AATK: variants seen among roughly 807,000 people sequenced by gnomAD.
AATK encodes serine/threonine-protein kinase LMTK1.
A neutral mutation model predicts 114.3 loss-of-function variants in AATK; 91 were observed. The ratio of observed to expected loss-of-function variants is 0.80; its 90% confidence interval spans 0.67 to 0.95. The LOEUF is 0.95. Ranked by LOEUF, AATK falls within the 40% of genes least tolerant of loss-of-function variation. AATK has a pLI of 0.00. For missense variants in AATK, 2,176 were observed against 1,965.2 expected, an observed-to-expected ratio of 1.11 and a Z score of -2.03; for synonymous variants, 1,075 against 916.5, an observed-to-expected ratio of 1.17 and a Z score of -3.12.
intron 1 of AATK, among the ~76,000 whole-genome samples, chr17:81,140,073 G>T (rs1598947646): frequency 6.6e-6 from 1 of 152,132 alleles, no homozygotes; most frequent in South Asian, 2.1e-4. Flanking sequence ...AATGCAGTGG[G>T]GTGATCACAG....
At chr17:81,150,661 TC>T (rs893762178) in intron 1 of AATK, among the ~76,000 whole-genome samples, 4 of 151,202 alleles carry the variant, frequency 2.6e-5, no homozygotes, top group African/African-American at 9.8e-5. Flanking sequence ...GACCTGAGGC[TC>T]CCCCTGGCAC....
At chr17:81,134,163 C>T (rs112898360) in intron 2 of AATK, among the ~76,000 whole-genome samples, 7,694 of 152,260 alleles carry the variant, frequency 0.051, 272 homozygotes, top group Non-Finnish European at 0.085. Context: ...GCCTCAAAGT[C>T]GAGGAAGCTG....
At chr17:81,127,078 G>A (rs1198740071) in intron 6 of AATK, among the ~76,000 whole-genome samples, 1 of 145,680 alleles carries the variant, frequency 6.9e-6, no homozygotes, top group African/African-American at 2.5e-5. Context: ...TCGGGGGAGG[G>A]GGAGACGGGT....
At position 81,127,539 on chromosome 17, in the gene AATK, C is replaced by G. The variant is rs375547358; in HGVS notation, c.621+44G>C. The G allele has an allele frequency of 2.3e-3, 3,550 of 1,548,776 alleles. 4 individuals are homozygous for G. The highest frequency in any genetic ancestry group is 2.8e-3 in the Non-Finnish European group (3,241 of 1,142,914). On this transcript the variant is annotated intron_variant, in intron 6 of 13. Coordinates refer to ENST00000326724, the MANE Select transcript of AATK (RefSeq NM_001080395.3). Reference sequence around the variant, plus strand: ...GACACTGGCAGGGCAAGGGAGGGCCCCGGCTCAGCAAAGACCCCAGCATCC... The same window carrying G: ...GACACTGGCAGGGCAAGGGAGGGCCGCGGCTCAGCAAAGACCCCAGCATCC...
intron 1 of AATK, among the ~76,000 whole-genome samples, chr17:81,148,822 G>A (rs562064035): frequency 2.6e-5 from 4 of 152,070 alleles, no homozygotes; most frequent in African/African-American, 7.2e-5. Flanking sequence ...GCACACTCAC[G>A]CACACACCCT....
intron 4 of AATK, 113 bp from the exon 5 acceptor site, chr17:81,128,023 C>T: frequency 7.7e-7 from 1 of 1,292,178 alleles, no homozygotes. Flanking sequence ...GACACTTCTC[C>T]TCCTGTGCCC....
In AATK at chr17:81,123,464, G is replaced by A. The variant is rs1029546219; in HGVS notation, c.963-121C>T. The A allele has an allele frequency of 3.2e-6, 3 of 926,442 alleles. No homozygotes were observed. In the Admixed American group the frequency reaches 1.3e-4, roughly 39 times the overall value. The allele number at this position is 926,442 out of a possible 1,614,324, so 57.4% of individuals were successfully genotyped here. A position where few individuals can be genotyped will look rare whatever the true frequency, so the allele number is the denominator to read the frequency against. ...ATCACGCCAGTGCCTCAGGACCGGG[G>A]CCTGGTACCATACCAGCCGCCCCTC... On this transcript the variant is annotated intron_variant, in intron 9 of 13. Transcript: ENST00000326724.
chr17:81,142,079 C>G (rs1359075708), intron 1 of AATK, among the ~76,000 whole-genome samples: 1 of 151,934 alleles, frequency 6.6e-6, no homozygotes, highest in Non-Finnish European at 1.5e-5. Context: ...CCTCAGCCCC[C>G]CAAGTAGCTG....
intron 6 of AATK, among the ~76,000 whole-genome samples, chr17:81,127,105 C>T (rs1337257760): frequency 2.1e-5 from 1 of 48,236 alleles, no homozygotes; most frequent in East Asian, 6.8e-4. Flanking sequence ...GGCAGGGGGG[C>T]GTTGATGGGC....
chr17:81,143,654 C>T (rs1003672126), intron 1 of AATK, among the ~76,000 whole-genome samples: 18 of 152,310 alleles, frequency 1.2e-4, no homozygotes, highest in African/African-American at 3.1e-4. Flanking sequence ...CTCAGCACGT[C>T]GCCCCACAGT....
At chr17:81,127,931 C>T (rs966350508) in intron 4 of AATK, 21 bp from the exon 5 acceptor site, 2 of 1,547,718 alleles carry the variant, frequency 1.3e-6, no homozygotes, top group Non-Finnish European at 1.7e-6. Context: ...GACAGCATCA[C>T]CCACGGCTGC....
intron 1 of AATK, among the ~76,000 whole-genome samples, chr17:81,156,400 TG>T (rs1346806507): frequency 6.6e-6 from 1 of 152,174 alleles, no homozygotes; most frequent in African/African-American, 2.4e-5. Context: ...AAATGTTTTT[TG>T]TTTTGTTTTG....
Position 81,118,385 on chromosome 17 carries a change from C to T in AATK, c.*17G>A. On this transcript the variant is annotated 3_prime_UTR_variant, in exon 14 of 14. Coordinates refer to ENST00000326724, the MANE Select transcript of AATK (RefSeq NM_001080395.3). ...CTCCGGTGACGCCAGCCTTGAGGGG[C>T]AGGAGCTGCCCAGGTCTCAAGCCTC... is the stretch of plus-strand genomic sequence containing the variant. The T allele has an allele frequency of 6.2e-7, 1 of 1,602,042 alleles. No individual in the cohort carries two copies. Among genetic ancestry groups the T allele is most frequent in the South Asian group, 1.1e-5 (1 of 88,760 alleles).
rs370499902 is a variant in AATK, at chr17:81,121,566, G to C, written c.2370C>G (p.Thr790=). The part of the protein sequence containing the change: ...PKLATEAEGT[T]GPRLPLPSVP... ...CGGAAGGAAGGGGCAGGCGGGGTCC[G>C]GTAGTGCCCTCAGCCTCCGTGGCAA... Residue 790 remains threonine (T), a synonymous_variant, in exon 11 of 14, where the codon ACC becomes ACG. Coordinates refer to ENST00000326724, the MANE Select transcript of AATK (RefSeq NM_001080395.3). The C allele has an allele frequency of 6.6e-7, 1 of 1,515,750 alleles. No homozygotes were observed. The highest frequency in any genetic ancestry group is 8.8e-7 in the Non-Finnish European group (1 of 1,132,212). The allele number at this position is 1,515,750 out of a possible 1,614,324, so 93.9% of individuals were successfully genotyped here. A position where few individuals can be genotyped will look rare whatever the true frequency, so the allele number is the denominator to read the frequency against.
chr17:81,140,235 C>T (rs543406172), intron 1 of AATK, among the ~76,000 whole-genome samples: 1 of 152,292 alleles, frequency 6.6e-6, no homozygotes, highest in Admixed American at 6.5e-5. Flanking sequence ...TGCACTCTGC[C>T]GTGAGGGAAG....
intron 1 of AATK, among the ~76,000 whole-genome samples, chr17:81,159,068 G>A (rs567097481): frequency 1.3e-5 from 2 of 152,210 alleles, no homozygotes; most frequent in Non-Finnish European, 2.9e-5. Flanking sequence ...GGGGGCAGGG[G>A]ATGGGGAGTG....
rs767537196 is a variant in AATK, at chr17:81,121,833, C to G, written c.2103G>C (p.Ala701=). The change falls in exon 11 of 14, where the codon GCG becomes GCC. Residue 701 remains alanine, a synonymous_variant. Transcript: ENST00000326724. ...TGGGGCAGCCCTCAGCGTGGCCGCC[C>G]GCAGAGACGGGGTCCCAGGACTCTG... ...RCPESWDPVS[A]GGHAEGCPSP... 2.1e-5 allele frequency: 34 copies of G among 1,592,192 alleles called. No homozygotes were observed. Among genetic ancestry groups the G allele is most frequent in the Non-Finnish European group, 2.7e-5 (32 of 1,176,240 alleles).
At chr17:81,134,254 C>T in intron 2 of AATK, 114 bp downstream of exon 2, 1 of 1,440,722 alleles carries the variant, frequency 6.9e-7, no homozygotes, top group South Asian at 1.3e-5. Context: ...GCAACTACGG[C>T]CACCCAGCAG....
At position 81,126,579 on chromosome 17, in the gene AATK, G is replaced by T. The variant is rs1421905211; in HGVS notation, c.622-19C>A. On this transcript the variant is annotated intron_variant, in intron 6 of 13. Transcript: ENST00000326724. This position sits in a 1 kb window ranked among gnomAD's most constrained non-coding sequence, Gnocchi z 5.1. The stretch of plus-strand genomic sequence containing the variant: ...GGTCCCCCTGCAGAAAGGGGGTGTG[G>T]CGCAGTCACCAGCAGGCTGGGGGCT... 3 of 1,530,330 alleles carry T rather than the reference G, an allele frequency of 2.0e-6. No individual in the cohort carries two copies. The highest frequency in any genetic ancestry group is 2.0e-5 in the Admixed American group (1 of 50,250). The allele number at this position is 1,530,330 out of a possible 1,614,324, so 94.8% of individuals were successfully genotyped here.
Sources: gnomAD v4.1 joint callset for allele counts (sites outside exome capture counted in the v4.1 genomes callset) on GRCh38, gnomAD v4.1.1 for gene constraint, Gnocchi (gnomAD v3.1) non-coding constraint, MANE v1.5 for transcripts, NCBI Gene and HGNC (gene_info 2026-07-23, HGNC 2026-07-21) for gene names.